Variants in ATAD5 observed in about 807,000 individuals in gnomAD.
ATAD5 encodes the protein ATPase family AAA domain-containing protein 5.
ATAD5 carries 58 observed loss-of-function variants against 176.9 expected under a neutral mutation model. The ratio of observed to expected loss-of-function variants is 0.33; its 90% CI spans 0.27 to 0.41. The LOEUF is 0.41. ATAD5 is among the 10% of genes least tolerant of loss of function. The probability of loss-of-function intolerance (pLI) is 1.00; values close to 1 mark genes in which losing one functional copy is unlikely to be tolerated. For synonymous variants in ATAD5, 640 were observed against 712.6 expected (o/e 0.90, Z 1.62); for missense variants, 1,789 against 2,094.1 (o/e 0.85, Z 2.84).
chr17:30,891,788 C>T (rs2142455242), intron 19 of ATAD5, among the ~76,000 whole-genome samples: 1 of 152,216 alleles, frequency 6.6e-6, no homozygotes, highest in East Asian at 1.9e-4. Context: ...CAGGTTCAAG[C>T]TATTCTCCTG....
chr17:30,859,569 C>T, intron 9 of ATAD5, among the ~76,000 whole-genome samples: 1 of 151,896 alleles, frequency 6.6e-6, no homozygotes. Flanking sequence ...CCATGTTGGT[C>T]AGGCTGGTCT....
At chr17:30,865,503 G>T (rs1430596532) in intron 10 of ATAD5, among the ~76,000 whole-genome samples, 2 of 152,000 alleles carry the variant, frequency 1.3e-5, no homozygotes, top group Non-Finnish European at 2.9e-5. Context: ...GATTATGGTG[G>T]TTATTTTTTT....
chr17:30,868,193 A>G, intron 11 of ATAD5, 140 bp from the exon 12 acceptor site: 1 of 570,508 alleles, frequency 1.8e-6, no homozygotes, highest in Non-Finnish European at 2.8e-6. Context: ...TAAAAATAAC[A>G]AGAAAGCCTT....
At chr17:30,843,278 G>A (rs947825601) in intron 4 of ATAD5, among the ~76,000 whole-genome samples, 1 of 151,818 alleles carries the variant, frequency 6.6e-6, no homozygotes, top group African/African-American at 2.4e-5. Context: ...CTTGAGGTCG[G>A]GAGTTTGAGG....
intron 1 of ATAD5, among the ~76,000 whole-genome samples, chr17:30,833,534 A>C (rs1905507272): frequency 6.6e-6 from 1 of 152,250 alleles, no homozygotes; most frequent in Admixed American, 6.5e-5. Flanking sequence ...AAAAGTTAAA[A>C]GTAATTTGCT....
In ATAD5 at chr17:30,868,409, G is replaced by C. The variant is rs1323988015; in HGVS notation, c.3310G>C (p.Glu1104Gln). 6.5e-7 allele frequency: 1 copy of C among 1,536,524 alleles called. No individual in the cohort carries two copies. Among genetic ancestry groups the C allele is most frequent in the Non-Finnish European group, 8.7e-7 (1 of 1,144,422 alleles). ...GAAGGGAAAAAGAGATGAGAAACATGAAGGTATTTTGTGTGTCTTTTTTTT... is the reference window on the plus strand; with the variant it reads ...GAAGGGAAAAAGAGATGAGAAACATCAAGGTATTTTGTGTGTCTTTTTTTT... ...NLKGKRDEKH[E>Q]DFSGGIDFKG... Residue 1104 changes from glutamate to glutamine, a missense_variant, in exon 12 of 23, where the codon GAA (glutamate) becomes CAA (glutamine). Around this residue, in one of 6 missense-constraint regions of ATAD5, gnomAD observed 487 missense variants for 573.6 expected, o/e 0.85. Coordinates refer to ENST00000321990, the MANE Select transcript of ATAD5 (RefSeq NM_024857.5).
chr17:30,874,300 T>C (rs1432458704), intron 14 of ATAD5, among the ~76,000 whole-genome samples: 1 of 151,718 alleles, frequency 6.6e-6, no homozygotes, highest in African/African-American at 2.4e-5. Flanking sequence ...CCCAGCACTT[T>C]GGGAGGCTGA....
intron 6 of ATAD5, among the ~76,000 whole-genome samples, chr17:30,853,952 CAA>C (rs981051238): frequency 2.0e-5 from 3 of 149,982 alleles, no homozygotes; most frequent in Non-Finnish European, 4.4e-5. Context: ...AAACAAAAGA[CAA>C]GAGGGAAAAA....
chr17:30,881,090 C>CT (rs535647258), intron 18 of ATAD5, among the ~76,000 whole-genome samples: 3 of 129,516 alleles, frequency 2.3e-5, no homozygotes, highest in African/African-American at 5.9e-5. Flanking sequence ...TTTCCTTTTT[C>CT]TTTTTTTTCA....
At chr17:30,881,666 A>C (rs1330786539) in intron 18 of ATAD5, among the ~76,000 whole-genome samples, 2 of 152,170 alleles carry the variant, frequency 1.3e-5, no homozygotes, top group African/African-American at 4.8e-5. Flanking sequence ...TAATCCCAGC[A>C]CTTTGGGAGG....
At chr17:30,854,913 C>A (rs1907201264) in intron 6 of ATAD5, among the ~76,000 whole-genome samples, 1 of 151,916 alleles carries the variant, frequency 6.6e-6, no homozygotes, top group Non-Finnish European at 1.5e-5. Flanking sequence ...CATTTGCCAC[C>A]ACACCTGGCT....
chr17:30,877,588 TAA>T (rs1307698275), intron 16 of ATAD5, 39 bp downstream of exon 16: 1 of 1,563,566 alleles, frequency 6.4e-7, no homozygotes, highest in East Asian at 2.3e-5. Flanking sequence ...GAGCTCATGA[TAA>T]AGACTTACTT....
intron 18 of ATAD5, among the ~76,000 whole-genome samples, chr17:30,884,937 C>T (rs1451703892): frequency 6.6e-6 from 1 of 151,538 alleles, no homozygotes; most frequent in Non-Finnish European, 1.5e-5. Flanking sequence ...TTAGTAGAGA[C>T]GGGGTTTCAC....
At chr17:30,886,456 A>G (rs919725746) in intron 18 of ATAD5, among the ~76,000 whole-genome samples, 3 of 150,970 alleles carry the variant, frequency 2.0e-5, no homozygotes, top group Non-Finnish European at 2.9e-5. Flanking sequence ...CTGGAGTGCA[A>G]TGGTGTGATC....
chr17:30,844,041 TA>T lies in ATAD5; in HGVS notation c.2368+4del. 6.5e-7 allele frequency: 1 copy of T among 1,529,124 alleles called. No individual in the cohort carries two copies. The highest frequency in any genetic ancestry group is 8.8e-7 in the Non-Finnish European group (1 of 1,140,940). The allele number at this position is 1,529,124 out of a possible 1,614,324, so 94.7% of individuals were successfully genotyped here. ...ACACATCCACTAAAAATGTACCTGGTAATCAGAGTTAATAATATTTATGATG... is the reference window on the plus strand; with the variant it reads ...ACACATCCACTAAAAATGTACCTGGTATCAGAGTTAATAATATTTATGATG... On this transcript the variant is annotated splice_donor_region_variant and intron_variant, in intron 5 of 22. Coordinates refer to ENST00000321990, the MANE Select transcript of ATAD5 (RefSeq NM_024857.5).
At chr17:30,840,937 C>CT (rs112841289) in intron 4 of ATAD5, among the ~76,000 whole-genome samples, 156 bp downstream of exon 4, 243 of 151,416 alleles carry the variant, frequency 1.6e-3, no homozygotes, top group African/African-American at 5.2e-3. Flanking sequence ...AAGCCTTCTG[C>CT]TTTTTTTTGT....
At chr17:30,854,804 G>C (rs1375384048) in intron 6 of ATAD5, among the ~76,000 whole-genome samples, 2 of 152,076 alleles carry the variant, frequency 1.3e-5, no homozygotes, top group East Asian at 1.9e-4. Context: ...TGGAAGGCTA[G>C]ATAGAGTACA....
intron 6 of ATAD5, among the ~76,000 whole-genome samples, chr17:30,849,410 G>A (rs1312267328): frequency 6.6e-6 from 1 of 152,164 alleles, no homozygotes; most frequent in East Asian, 1.9e-4. Context: ...GCAATTTGAA[G>A]CTATTGGGAA....
rs750405655 is a variant in ATAD5 at position 30,857,022 on chromosome 17, T to A, written c.2703T>A (p.Thr901=). 6.2e-7 allele frequency: 1 copy of A among 1,609,650 alleles called. No homozygotes were observed. The highest frequency in any genetic ancestry group is 1.1e-5 in the South Asian group (1 of 89,720). The change falls in exon 8 of 23, where the codon ACT becomes ACA. Residue 901 remains threonine, a synonymous_variant. Transcript: ENST00000321990. ...PLLTKFKELN[T]KVIDLSKCGI... ...TAACTAAATTTAAAGAACTGAACAC[T>A]AAAGTAATAGATCTCTCAAAATGTG... is the stretch of plus-strand genomic sequence containing the variant.
Sources: allele counts gnomAD v4.1 joint callset (sites outside exome capture counted in the v4.1 genomes callset), GRCh38; gene constraint gnomAD v4.1.1; regional missense constraint gnomAD v4.1.1; transcripts MANE v1.5; gene names NCBI Gene and HGNC (gene_info 2026-07-23, HGNC 2026-07-21).